The following ADCY1 variants were observed in gnomAD, a reference collection of about 807,000 sequenced individuals.
ADCY1 encodes the protein adenylate cyclase type 1.
In ADCY1, 28 loss-of-function variants were observed where a neutral mutation model predicts 105.4. That is an observed-to-expected ratio of 0.27 (90% CI 0.20 to 0.36). ADCY1 has a LOEUF of 0.36. Among genes scored for constraint, ADCY1 ranks in the 10% least tolerant of loss-of-function variants. The pLI, the probability that ADCY1 is intolerant of heterozygous loss-of-function variation, is 1.00. For missense variants in ADCY1, 977 were observed against 1,434.2 expected (o/e 0.68, Z 5.15); for synonymous variants, 655 against 623.8 (o/e 1.05, Z -0.75).
At chr7:45,607,803 A>G (rs961947726) in intron 2 of ADCY1, among the ~76,000 whole-genome samples, 8 of 152,206 alleles carry the variant, frequency 5.3e-5, no homozygotes, top group Admixed American at 2.0e-4. Flanking sequence ...ATAGTATTCC[A>G]TGGTGTATAT....
rs1165436454 is a variant in ADCY1 at position 45,575,858 on chromosome 7, G to C, written c.639+676G>C. ...GAACTTTGTCACTGTCTTCCCAGTC[G>C]GGCGGGCGAGATGGTTGCAAGGACG... On this transcript the variant is annotated intron_variant, in intron 1 of 19. Coordinates refer to ENST00000297323, the MANE Select transcript of ADCY1 (RefSeq NM_021116.4). This position sits in a 1 kb window ranked among gnomAD's most constrained non-coding sequence, Gnocchi z 4.7. Among the ~76,000 whole-genome samples, 4 of 152,250 alleles carry C rather than the reference G, an allele frequency of 2.6e-5. No homozygotes were observed. Among genetic ancestry groups the C allele is most frequent in the Admixed American group, 1.3e-4 (2 of 15,292 alleles).
intron 2 of ADCY1, among the ~76,000 whole-genome samples, chr7:45,593,734 A>T (rs760960342): frequency 6.6e-6 from 1 of 152,236 alleles, no homozygotes; most frequent in South Asian, 2.1e-4. Flanking sequence ...CTCTTTCTCA[A>T]CGATGTGAAT....
rs1049920718 is a variant in ADCY1, at chr7:45,708,971, T to G, written c.2932+507T>G. Reference sequence around the variant, plus strand: ...TTTTATAAAACTATGATTTGTTGTTTTTTTTTTTAATCATAAATTCACTTT... The same window carrying G: ...TTTTATAAAACTATGATTTGTTGTTGTTTTTTTTAATCATAAATTCACTTT... On this transcript the variant is annotated intron_variant, in intron 18 of 19. Coordinates refer to ENST00000297323, the MANE Select transcript of ADCY1 (RefSeq NM_021116.4). The surrounding 1 kb of genome is among the most constrained non-coding windows in gnomAD (Gnocchi z 4.7). Among the ~76,000 whole-genome samples, 3 of 152,048 alleles carry G rather than the reference T, an allele frequency of 2.0e-5. No homozygotes were observed. Among genetic ancestry groups the G allele is most frequent in the South Asian group, 2.1e-4 (1 of 4,832 alleles).
At position 45,588,339 on chromosome 7, in the gene ADCY1, C is replaced by T. The variant is rs964762961; in HGVS notation, c.640-4420C>T. ...AGCAAATATTTTCTCTGCCTGAGCC[C>T]AAGAATCAGTCATTTCTCCAGGGAG... On this transcript the variant is annotated intron_variant, in intron 1 of 19. Transcript: ENST00000297323. Among the ~76,000 whole-genome samples, 4 of 152,080 alleles carry T rather than the reference C, an allele frequency of 2.6e-5. No homozygotes were observed. The South Asian group carries it at 6.2e-4, about 24-fold the overall frequency.
rs1358090866 is a variant in ADCY1 at position 45,704,628 on chromosome 7, C to A, written c.2817+12C>A. 1 of 1,608,364 alleles carries A rather than the reference C, an allele frequency of 6.2e-7. No individual in the cohort carries two copies. The highest frequency in any genetic ancestry group is 2.2e-5 in the East Asian group (1 of 44,864). Reference sequence around the variant, plus strand: ...CCTCGGGGACCAAGGTGAGTGCAGCCTGGCGCTGCCTGCTTGGGGACTGGG... The same window carrying A: ...CCTCGGGGACCAAGGTGAGTGCAGCATGGCGCTGCCTGCTTGGGGACTGGG... On this transcript the variant is annotated intron_variant, in intron 17 of 19. Transcript: ENST00000297323.
At chr7:45,636,786 C>G (rs1479712374) in intron 4 of ADCY1, among the ~76,000 whole-genome samples, 1 of 152,250 alleles carries the variant, frequency 6.6e-6, no homozygotes, top group Non-Finnish European at 1.5e-5. Context: ...GGGAATCCGC[C>G]TGCCTCAGCC....
intron 2 of ADCY1, 99 bp downstream of exon 2, chr7:45,593,007 T>A: frequency 6.7e-7 from 1 of 1,482,500 alleles, no homozygotes; most frequent in Non-Finnish European, 9.2e-7. Context: ...CGTGGTGACA[T>A]GGGCCACAAT....
Position 45,686,054 on chromosome 7 carries a change from G to T in ADCY1, c.2166G>T (p.Leu722=), listed in dbSNP as rs1192354651. Residue 722 remains leucine, a synonymous_variant, in exon 13 of 20, where the codon CTG becomes CTT. Coordinates refer to ENST00000297323, the MANE Select transcript of ADCY1 (RefSeq NM_021116.4). This position sits in a 1 kb window ranked among gnomAD's most constrained non-coding sequence, Gnocchi z 4.3. ...SGGQRTALPT[L]PCESTHHALL... The stretch of plus-strand genomic sequence containing the variant: ...GCCAGCGCACAGCCCTGCCCACCCT[G>T]CCCTGCGAGTCTACACACCATGCCC... 6.2e-7 allele frequency: 1 copy of T among 1,612,156 alleles called. No individual in the cohort carries two copies. The highest frequency in any genetic ancestry group is 1.3e-5 in the African/African-American group (1 of 74,240).
Position 45,610,447 on chromosome 7 carries a change from C to G in ADCY1, c.858C>G (p.Pro286=). The change falls in exon 3 of 20, where the codon CCC becomes CCG. Residue 286 remains proline, a synonymous_variant. Coordinates refer to ENST00000297323, the MANE Select transcript of ADCY1 (RefSeq NM_021116.4). ...AGATGAAGGAGGACTTCCTGAAGCC[C>G]CCTGAGAGGATTTTCCACAAGATTT... ...AMEMKEDFLK[P]PERIFHKIYI... 16 of 1,613,984 alleles carry G rather than the reference C, an allele frequency of 9.9e-6. No homozygotes were observed. Among genetic ancestry groups the G allele is most frequent in the Non-Finnish European group, 1.3e-5 (15 of 1,179,988 alleles).
chr7:45,710,707 A>G lies in ADCY1; in HGVS notation c.3057+55A>G. 6.4e-7 allele frequency: 1 copy of G among 1,555,032 alleles called. No individual in the cohort carries two copies. Among genetic ancestry groups the G allele is most frequent in the South Asian group, 1.2e-5 (1 of 82,396 alleles). On this transcript the variant is annotated intron_variant, in intron 19 of 19. Coordinates refer to ENST00000297323, the MANE Select transcript of ADCY1 (RefSeq NM_021116.4). The surrounding 1 kb of genome is among the most constrained non-coding windows in gnomAD (Gnocchi z 4.7). The stretch of plus-strand genomic sequence containing the variant: ...GGGTGCCCATTCTTCAGGTGAGGAA[A>G]CTGAGGCACAGGGGGCCAGAATTGA...
chr7:45,589,985 G>C (rs1792859957), intron 1 of ADCY1, among the ~76,000 whole-genome samples: 1 of 152,164 alleles, frequency 6.6e-6, no homozygotes, highest in Admixed American at 6.5e-5. Flanking sequence ...GTAGTTAACA[G>C]AAATGGGGAG....
chr7:45,638,920 T>C (rs1360464523), intron 4 of ADCY1, among the ~76,000 whole-genome samples: 1 of 152,142 alleles, frequency 6.6e-6, no homozygotes, highest in South Asian at 2.1e-4. Context: ...GTATAATTGA[T>C]GGCTGCAAGG....
rs1255898700 is a variant in ADCY1 at position 45,718,058 on chromosome 7, G to C, written c.*4063G>C. 1.3e-5 allele frequency: 2 copies of C among 152,262 alleles called. No individual in the cohort carries two copies. Among genetic ancestry groups the C allele is most frequent in the African/African-American group, 4.8e-5 (2 of 41,438 alleles). 9.4% of individuals were successfully genotyped at this position (152,262 alleles called of 1,614,324 possible). The stretch of plus-strand genomic sequence containing the variant: ...CAGCTATGAAACCGCAGTTCCTGTG[G>C]GTTGGGCTGCCCAGGCTGGTCAGAG... On this transcript the variant is annotated 3_prime_UTR_variant, in exon 20 of 20. Coordinates refer to ENST00000297323, the MANE Select transcript of ADCY1 (RefSeq NM_021116.4).
At chr7:45,608,435 C>T (rs995539269) in intron 2 of ADCY1, among the ~76,000 whole-genome samples, 3 of 152,182 alleles carry the variant, frequency 2.0e-5, no homozygotes, top group African/African-American at 7.2e-5. Context: ...AGCCAAGAAC[C>T]CCAATGAAAA....
At chr7:45,696,590 A>G (rs775561011) in intron 14 of ADCY1, among the ~76,000 whole-genome samples, 1 of 152,188 alleles carries the variant, frequency 6.6e-6, no homozygotes, top group African/African-American at 2.4e-5. Context: ...TGTGGAAACA[A>G]GGGAGCTTGT....
intron 2 of ADCY1, among the ~76,000 whole-genome samples, chr7:45,597,828 G>C (rs1224559327): frequency 6.6e-6 from 1 of 152,212 alleles, no homozygotes; most frequent in Non-Finnish European, 1.5e-5. Context: ...GGGCTTGTCT[G>C]TTTCATTGCA....
chr7:45,673,261 T>C (rs953714163), intron 8 of ADCY1, among the ~76,000 whole-genome samples: 5 of 152,164 alleles, frequency 3.3e-5, no homozygotes, highest in Admixed American at 1.3e-4. Flanking sequence ...ACTATCTTCG[T>C]CTGGTGTTGG....
chr7:45,657,613 G>A, intron 5 of ADCY1, 114 bp from the exon 6 acceptor site: 6 of 1,155,908 alleles, frequency 5.2e-6, no homozygotes, highest in Middle Eastern at 2.4e-4. Flanking sequence ...GCCACATGCA[G>A]CAAGGACAAG....
At chr7:45,658,340 A>G (rs961091108) in intron 6 of ADCY1, among the ~76,000 whole-genome samples, 2 of 152,202 alleles carry the variant, frequency 1.3e-5, no homozygotes, top group Admixed American at 6.5e-5. Context: ...CATCTGGGTC[A>G]CAGATGATGC....
Sources: allele counts gnomAD v4.1 joint callset (sites outside exome capture counted in the v4.1 genomes callset), GRCh38; gene constraint gnomAD v4.1.1; non-coding constraint Gnocchi (gnomAD v3.1); transcripts MANE v1.5; gene names NCBI Gene and HGNC (gene_info 2026-07-23, HGNC 2026-07-21).